LY86: variants seen among roughly 807,000 people sequenced by gnomAD.
The protein encoded by LY86 is lymphocyte antigen 86.
Under a neutral mutation model 17.3 loss-of-function variants are expected in LY86, and 20 were observed. The ratio of observed to expected loss-of-function variants is 1.15; its 90% CI spans 0.81 to 1.68. The LOEUF (loss-of-function observed/expected upper bound fraction) is 1.68. Among genes scored for constraint, LY86 ranks in the 40% most tolerant of loss-of-function variants. The pLI is 0.00. For missense variants in LY86, 200 were observed against 191.9 expected (o/e 1.04, Z -0.25); for synonymous variants, 74 against 70.6 (o/e 1.05, Z -0.24).
chr6:6,651,754 C>T (rs984984303), intron 4 of LY86, among the ~76,000 whole-genome samples: 1 of 151,892 alleles, frequency 6.6e-6, no homozygotes, highest in Non-Finnish European at 1.5e-5. Context: ...TCAGAAAACC[C>T]CTTTGAAAGT....
chr6:6,641,390 G>A (rs907650293), intron 3 of LY86, among the ~76,000 whole-genome samples: 4 of 152,114 alleles, frequency 2.6e-5, no homozygotes, highest in Non-Finnish European at 4.4e-5. Flanking sequence ...AGAGTTCACC[G>A]TGCCCCCCTC....
intron 2 of LY86, 142 bp downstream of exon 2, chr6:6,625,154 C>G (rs1057367956): frequency 1.9e-6 from 1 of 513,290 alleles, no homozygotes; most frequent in African/African-American, 2.0e-5. Context: ...CTATTTATAT[C>G]TTCATTTTCA....
chr6:6,612,396 G>T (rs370113329), intron 1 of LY86, among the ~76,000 whole-genome samples: 1 of 152,296 alleles, frequency 6.6e-6, no homozygotes, highest in East Asian at 1.9e-4. Context: ...TTTTCCCCCA[G>T]TGGGTACCTA....
chr6:6,647,943 G>A (rs1296632268), intron 3 of LY86, among the ~76,000 whole-genome samples: 4 of 150,084 alleles, frequency 2.7e-5, no homozygotes, highest in Admixed American at 1.3e-4. Context: ...CCATCTCCCA[G>A]AAATAGAGCT....
intron 3 of LY86, among the ~76,000 whole-genome samples, chr6:6,646,751 T>G (rs1329080567): frequency 6.6e-6 from 1 of 152,220 alleles, no homozygotes. Context: ...TATTATAATC[T>G]TTTCCTTATG....
intron 4 of LY86, among the ~76,000 whole-genome samples, chr6:6,650,094 G>T (rs1289475048): frequency 6.6e-6 from 1 of 152,150 alleles, no homozygotes; most frequent in Non-Finnish European, 1.5e-5. Flanking sequence ...TTCAGAGAAA[G>T]GAAGATGCAC....
chr6:6,591,958 C>T (rs9328376), intron 1 of LY86, among the ~76,000 whole-genome samples: 50,362 of 152,018 alleles, frequency 0.33, 8,687 homozygotes, highest in Non-Finnish European at 0.38. Flanking sequence ...AAGTGGAAGA[C>T]ATGAGCAAGA....
chr6:6,639,592 G>A (rs996972233), intron 3 of LY86, among the ~76,000 whole-genome samples: 9 of 152,240 alleles, frequency 5.9e-5, no homozygotes, highest in Non-Finnish European at 1.0e-4. Flanking sequence ...TCCTCGGCCC[G>A]TAGTGGCATC....
chr6:6,640,561 A>G (rs1247115350), intron 3 of LY86, among the ~76,000 whole-genome samples: 1 of 151,840 alleles, frequency 6.6e-6, no homozygotes, highest in Non-Finnish European at 1.5e-5. Flanking sequence ...TCTCTAAAAA[A>G]TTTTTAAAAA....
intron 1 of LY86, among the ~76,000 whole-genome samples, chr6:6,611,405 T>C (rs1046989048): frequency 1.3e-5 from 2 of 152,186 alleles, no homozygotes; most frequent in Non-Finnish European, 2.9e-5. Flanking sequence ...TGATAGCATC[T>C]CTCTTAAGGC....
At chr6:6,612,507 T>TGCAAAAA (rs1246731025) in intron 1 of LY86, among the ~76,000 whole-genome samples, 1 of 137,766 alleles carries the variant, frequency 7.3e-6, no homozygotes, top group Non-Finnish European at 1.6e-5. Flanking sequence ...AAACACTTAC[T>TGCAAAAA]GCAAAAAGCA....
chr6:6,615,450 G>A (rs532559956), intron 1 of LY86, among the ~76,000 whole-genome samples: 6 of 152,280 alleles, frequency 3.9e-5, no homozygotes, highest in South Asian at 2.1e-4. Flanking sequence ...GGCAGGCTGC[G>A]GTGGCTCACG....
At chr6:6,595,403 A>T (rs112574568) in intron 1 of LY86, among the ~76,000 whole-genome samples, 1 of 104,928 alleles carries the variant, frequency 9.5e-6, no homozygotes, top group Non-Finnish European at 2.1e-5. Flanking sequence ...GAGGAAAAGA[A>T]GATGAAAGGG....
intron 4 of LY86, among the ~76,000 whole-genome samples, chr6:6,652,999 T>C (rs1762210472): frequency 6.6e-6 from 1 of 152,216 alleles, no homozygotes; most frequent in Non-Finnish European, 1.5e-5. Context: ...GAGATATAAA[T>C]TTGAGCCGGT....
intron 1 of LY86, among the ~76,000 whole-genome samples, chr6:6,612,529 C>G (rs958468199): frequency 6.6e-6 from 1 of 152,168 alleles, no homozygotes; most frequent in Non-Finnish European, 1.5e-5. Flanking sequence ...AAGAACAAAC[C>G]AACCACACAA....
chr6:6,605,799 G>A (rs567485879), intron 1 of LY86, among the ~76,000 whole-genome samples: 4 of 152,116 alleles, frequency 2.6e-5, no homozygotes, highest in African/African-American at 9.7e-5. Context: ...TCTTCCTTTT[G>A]GTGGGGTTCG....
chr6:6,610,413 C>T (rs984145953), intron 1 of LY86, among the ~76,000 whole-genome samples: 1 of 152,150 alleles, frequency 6.6e-6, no homozygotes, highest in African/African-American at 2.4e-5. Context: ...CAGTGCAGGC[C>T]CTGAGCCCCC....
intron 1 of LY86, among the ~76,000 whole-genome samples, chr6:6,609,877 T>C (rs372744059): frequency 7.2e-5 from 11 of 152,212 alleles, no homozygotes; most frequent in East Asian, 5.8e-4. Flanking sequence ...GTGCTTGTTC[T>C]GTAGGCCTCT....
rs543763473 is a variant in LY86 at position 6,647,338 on chromosome 6, C to T, written c.353-2287C>T. ...TTCCCTTGGAACAACAAATATGGTA[C>T]AGTATCTCCCATCTCGAACAAAGAA... is the stretch of plus-strand genomic sequence containing the variant. On this transcript the variant is annotated intron_variant, in intron 3 of 4. Coordinates refer to ENST00000230568, the MANE Select transcript of LY86 (RefSeq NM_004271.4). 5.9e-5 allele frequency among the ~76,000 whole-genome samples: 9 copies of T among 152,320 alleles called. No individual in the cohort carries two copies. The South Asian group carries it at 1.9e-3, about 32-fold the overall frequency.
Sources: allele counts gnomAD v4.1 joint callset (sites outside exome capture counted in the v4.1 genomes callset), GRCh38; gene constraint gnomAD v4.1.1; transcripts MANE v1.5; gene names NCBI Gene and HGNC (gene_info 2026-07-23, HGNC 2026-07-21).